The following NTM variants were observed in gnomAD, a reference collection of about 807,000 sequenced individuals.
The protein encoded by NTM is IgLON family member 2.
In NTM, 13 loss-of-function variants were observed where a neutral mutation model predicts 42.1. The ratio of observed to expected loss-of-function variants is 0.31; its 90% CI spans 0.20 to 0.49. The LOEUF (loss-of-function observed/expected upper bound fraction) is 0.49, where lower values mean the gene tolerates loss of function less well. NTM is among the 20% of genes least tolerant of loss of function. The pLI is 0.99. For synonymous variants in NTM, 187 were observed against 179.2 expected (o/e 1.04, Z -0.35); for missense variants, 373 against 452.8 (o/e 0.82, Z 1.60).
At chr11:131,617,607 T>G (rs539269855) in intron 1 of NTM, among the ~76,000 whole-genome samples, 1 of 152,250 alleles carries the variant, frequency 6.6e-6, no homozygotes, top group African/African-American at 2.4e-5. Context: ...GGATTTAATT[T>G]AAAGGAGATT....
intron 1 of NTM, among the ~76,000 whole-genome samples, chr11:131,577,534 A>G (rs529559894): frequency 6.6e-6 from 1 of 152,358 alleles, no homozygotes; most frequent in South Asian, 2.1e-4. Flanking sequence ...TAGTTTTCAA[A>G]TTGTATTTTG....
At chr11:131,394,597 C>T (rs969396417) in intron 1 of NTM, among the ~76,000 whole-genome samples, 1 of 152,148 alleles carries the variant, frequency 6.6e-6, no homozygotes, top group African/African-American at 2.4e-5. Flanking sequence ...TGCAGCAGCT[C>T]TGAGTGCATT....
chr11:132,257,386 C>G (rs774639030), intron 4 of NTM, among the ~76,000 whole-genome samples: 14 of 152,294 alleles, frequency 9.2e-5, no homozygotes, highest in South Asian at 2.1e-4. Context: ...GACAAAAGGA[C>G]TTTGAGAGGC....
intron 1 of NTM, among the ~76,000 whole-genome samples, chr11:131,604,297 G>A (rs117645516): frequency 1.3e-3 from 203 of 152,156 alleles, no homozygotes; most frequent in Middle Eastern, 0.01. Flanking sequence ...ATTTTCGTGT[G>A]GTTATTGGCC....
chr11:131,488,984 A>G (rs1565555891), intron 1 of NTM, among the ~76,000 whole-genome samples: 1 of 152,230 alleles, frequency 6.6e-6, no homozygotes, highest in Non-Finnish European at 1.5e-5. Flanking sequence ...GAAGGCATTC[A>G]TTCACTGTGC....
chr11:131,597,663 C>T (rs553779639), intron 1 of NTM, among the ~76,000 whole-genome samples: 16 of 152,208 alleles, frequency 1.1e-4, no homozygotes, highest in Non-Finnish European at 1.8e-4. Context: ...AGTGTCTCCA[C>T]AGAAATCACC....
intron 1 of NTM, among the ~76,000 whole-genome samples, chr11:131,625,342 A>T (rs1408311281): frequency 6.6e-6 from 1 of 152,172 alleles, no homozygotes; most frequent in African/African-American, 2.4e-5. Context: ...CTCTTGTTCC[A>T]TTTCTGAAAA....
intron 3 of NTM, among the ~76,000 whole-genome samples, chr11:132,209,613 A>G (rs2082510802): frequency 6.6e-6 from 1 of 152,244 alleles, no homozygotes; most frequent in South Asian, 2.1e-4. Flanking sequence ...AGGTGGGAAC[A>G]TGTTACATAA....
At chr11:132,122,005 G>C (rs906543998) in intron 2 of NTM, among the ~76,000 whole-genome samples, 1 of 152,174 alleles carries the variant, frequency 6.6e-6, no homozygotes, top group African/African-American at 2.4e-5. Context: ...GGCATTCATT[G>C]CAGCCTCCAC....
intron 1 of NTM, among the ~76,000 whole-genome samples, chr11:131,848,923 A>G (rs2045223999): frequency 6.6e-6 from 1 of 152,220 alleles, no homozygotes; most frequent in Non-Finnish European, 1.5e-5. Flanking sequence ...CAATGTTTCC[A>G]GAAAAGGGTA....
At chr11:131,790,590 C>G (rs922543968) in intron 1 of NTM, among the ~76,000 whole-genome samples, 12 of 152,160 alleles carry the variant, frequency 7.9e-5, no homozygotes, top group Non-Finnish European at 1.8e-4. Flanking sequence ...AGAGTCAGGC[C>G]ATTCAAAGTA....
chr11:131,574,075 C>A (rs2057708119), intron 1 of NTM, among the ~76,000 whole-genome samples: 1 of 152,164 alleles, frequency 6.6e-6, no homozygotes, highest in South Asian at 2.1e-4. Context: ...TTCGGCTGTG[C>A]AGGTGTGGGA....
intron 1 of NTM, among the ~76,000 whole-genome samples, chr11:131,438,626 C>G (rs1235600479): frequency 6.6e-6 from 1 of 152,182 alleles, no homozygotes; most frequent in East Asian, 1.9e-4. Context: ...TGGTTTTCAG[C>G]TCCGTTGGGT....
At chr11:131,434,411 A>G (rs1454011572) in intron 1 of NTM, among the ~76,000 whole-genome samples, 1 of 152,208 alleles carries the variant, frequency 6.6e-6, no homozygotes, top group Non-Finnish European at 1.5e-5. Flanking sequence ...CCAACAGTGT[A>G]AAAGCATTCC....
At chr11:131,601,435 A>G (rs952530980) in intron 1 of NTM, among the ~76,000 whole-genome samples, 3 of 152,230 alleles carry the variant, frequency 2.0e-5, no homozygotes, top group Admixed American at 6.5e-5. Context: ...AATTTACATC[A>G]CATCATAGTT....
chr11:132,087,423 T>A (rs914808173), intron 2 of NTM, among the ~76,000 whole-genome samples: 2 of 152,172 alleles, frequency 1.3e-5, no homozygotes, highest in Non-Finnish European at 2.9e-5. Flanking sequence ...TGTTGTCATC[T>A]CCCTCTGGAT....
intron 1 of NTM, among the ~76,000 whole-genome samples, chr11:131,668,250 CTCTATCTATCTATCTATCTA>C (rs10667464): frequency 6.8e-6 from 1 of 147,682 alleles, no homozygotes; most frequent in African/African-American, 2.5e-5. Flanking sequence ...GTATATCTAC[CTCTATCTATCTATCTATCTA>C]TCTATCTATC....
intron 1 of NTM, among the ~76,000 whole-genome samples, chr11:131,508,883 T>A (rs1401206521): frequency 9.5e-6 from 1 of 104,736 alleles, no homozygotes; most frequent in Non-Finnish European, 1.9e-5. Flanking sequence ...TGGGGACTGT[T>A]GTGGGGTTGG....
chr11:131,644,408 T>C (rs1451698142), intron 1 of NTM, among the ~76,000 whole-genome samples: 1 of 152,146 alleles, frequency 6.6e-6, no homozygotes, highest in Non-Finnish European at 1.5e-5. Flanking sequence ...CCAGGGAGTT[T>C]CCCATTCTGT....
Sources: allele counts gnomAD v4.1 joint callset (sites outside exome capture counted in the v4.1 genomes callset), GRCh38; gene constraint gnomAD v4.1.1; transcripts MANE v1.5; gene names NCBI Gene and HGNC (gene_info 2026-07-23, HGNC 2026-07-21).